KCND2: variants seen among roughly 807,000 people sequenced by gnomAD.
The protein encoded by KCND2 is potassium voltage-gated channel subfamily D member 2.
A neutral mutation model predicts 54.4 loss-of-function variants in KCND2; 16 were observed. The observed-to-expected ratio is 0.29, with a 90% CI of 0.20 to 0.45. The LOEUF is 0.45. Among genes scored for constraint, KCND2 ranks in the 20% least tolerant of loss-of-function variants. The probability of loss-of-function intolerance (pLI) is 1.00; values close to 1 mark genes in which losing one functional copy is unlikely to be tolerated. For synonymous variants in KCND2, 317 were observed against 310.7 expected (o/e 1.02, Z -0.21); for missense variants, 486 against 824.2 (o/e 0.59, Z 5.02).
chr7:120,445,511 C>T (rs369934408), intron 1 of KCND2, among the ~76,000 whole-genome samples: 5 of 152,040 alleles, frequency 3.3e-5, no homozygotes, highest in African/African-American at 1.2e-4. Flanking sequence ...GGACCTGTTT[C>T]CTTATTGAGT....
intron 1 of KCND2, among the ~76,000 whole-genome samples, chr7:120,303,764 A>C (rs1433509070): frequency 6.6e-6 from 1 of 152,192 alleles, no homozygotes; most frequent in Non-Finnish European, 1.5e-5. Flanking sequence ...GAATGTGTAT[A>C]CATATCTTTC....
chr7:120,603,164 A>C (rs1792835638), intron 1 of KCND2, among the ~76,000 whole-genome samples: 1 of 152,206 alleles, frequency 6.6e-6, no homozygotes, highest in Non-Finnish European at 1.5e-5. Flanking sequence ...TCATCTTTTC[A>C]TTTATAAAAT....
intron 1 of KCND2, among the ~76,000 whole-genome samples, chr7:120,460,224 A>G (rs1423739690): frequency 2.0e-5 from 3 of 152,172 alleles, no homozygotes; most frequent in Non-Finnish European, 4.4e-5. Context: ...TATAGACCAG[A>G]CACTCTTTAG....
intron 1 of KCND2, among the ~76,000 whole-genome samples, chr7:120,538,451 C>G: frequency 6.6e-6 from 1 of 152,112 alleles, no homozygotes; most frequent in East Asian, 1.9e-4. Context: ...GCACCTATAC[C>G]ACAGGCCACT....
chr7:120,404,805 C>T (rs1365020555), intron 1 of KCND2, among the ~76,000 whole-genome samples: 3 of 151,938 alleles, frequency 2.0e-5, no homozygotes, highest in Non-Finnish European at 4.4e-5. Context: ...TGTAGCTCCT[C>T]CTCCTTCCTT....
intron 1 of KCND2, among the ~76,000 whole-genome samples, chr7:120,629,117 G>A (rs6979618): frequency 0.42 from 63,780 of 152,082 alleles, 16,561 homozygotes; most frequent in African/African-American, 0.73. Flanking sequence ...GCACAAAACT[G>A]TGGGATGAAT....
chr7:120,416,120 A>G (rs1801520713), intron 1 of KCND2, among the ~76,000 whole-genome samples: 1 of 152,166 alleles, frequency 6.6e-6, no homozygotes, highest in South Asian at 2.1e-4. Context: ...TGTTCTCTGT[A>G]ACCTGCCCAT....
rs6949544 is a variant in KCND2, at chr7:120,420,749, T to C, written c.1115+145002T>C. 8.5e-3 allele frequency among the ~76,000 whole-genome samples: 1,297 copies of C among 152,110 alleles called. 14 individuals carry two copies. Among genetic ancestry groups the C allele is most frequent in the African/African-American group, 0.03 (1,228 of 41,480 alleles). The stretch of plus-strand genomic sequence containing the variant: ...GGAGTATAGGTAAGAGGGAAAAAAA[T>C]TAATTCAAACTTTTTAAGAAATTAT... On this transcript the variant is annotated intron_variant, in intron 1 of 5. Coordinates refer to ENST00000331113, the MANE Select transcript of KCND2 (RefSeq NM_012281.3).
In KCND2 at chr7:120,274,954, C is replaced by T. The variant is rs763189187; in HGVS notation, c.322C>T (p.Arg108Cys). ...FYRTGKLHYP[R>C]HECISAYDEE... ...CCGCACTGGGAAGCTCCACTATCCTCGCCACGAGTGCATCTCTGCTTACGA... is the reference window on the plus strand; with the variant it reads ...CCGCACTGGGAAGCTCCACTATCCTTGCCACGAGTGCATCTCTGCTTACGA... Residue 108 changes from arginine (R) to cysteine (C), a missense_variant, in exon 1 of 6, where the codon CGC (arginine) becomes TGC (cysteine). By Grantham distance (180) the Arg-to-Cys change is radical. Transcript: ENST00000331113. The T allele has an allele frequency of 3.7e-6, 6 of 1,614,144 alleles. No homozygotes were observed. Among genetic ancestry groups the T allele is most frequent in the Non-Finnish European group, 5.1e-6 (6 of 1,180,038 alleles).
rs565223089 is a variant in KCND2, at chr7:120,377,299, T to C, written c.1115+101552T>C. ...CTCAAGTATTTATCTTAGAATATTA[T>C]AGTTGGTTCCTTCATTTACTGTGTG... is the stretch of plus-strand genomic sequence containing the variant. On this transcript the variant is annotated intron_variant, in intron 1 of 5. Coordinates refer to ENST00000331113, the MANE Select transcript of KCND2 (RefSeq NM_012281.3). 3.0e-4 allele frequency among the ~76,000 whole-genome samples: 46 copies of C among 152,074 alleles called. 1 individual carries two copies. The highest frequency in any genetic ancestry group is 1.1e-3 in the African/African-American group (45 of 41,554).
chr7:120,567,112 C>T (rs1330420625), intron 1 of KCND2, among the ~76,000 whole-genome samples: 1 of 152,116 alleles, frequency 6.6e-6, no homozygotes, highest in South Asian at 2.1e-4. Flanking sequence ...TCCCCATGTT[C>T]CTGCTCCTGT....
chr7:120,599,995 A>G (rs1792794586), intron 1 of KCND2, among the ~76,000 whole-genome samples: 1 of 151,754 alleles, frequency 6.6e-6, no homozygotes, highest in African/African-American at 2.4e-5. Context: ...GAGAGTTTTT[A>G]TCATGAAAGA....
At chr7:120,402,059 G>T (rs899504688) in intron 1 of KCND2, among the ~76,000 whole-genome samples, 2 of 152,132 alleles carry the variant, frequency 1.3e-5, no homozygotes, top group Non-Finnish European at 2.9e-5. Flanking sequence ...TGACAAAATG[G>T]TGAATTGCTT....
In KCND2 at chr7:120,737,070, AC is replaced by A. The variant is rs1562924298; in HGVS notation, c.1278+4006del. Among the ~76,000 whole-genome samples the A allele has an allele frequency of 3.0e-3, 432 of 143,056 alleles. 4 individuals carry two copies. The highest frequency in any genetic ancestry group is 0.011 in the African/African-American group (405 of 38,430). 93.9% of individuals were successfully genotyped at this position (143,056 alleles called of 152,430 possible). ...CACACACACACACACACACACACAC[AC>A]ACACAAACAAAAAAAAAAAAAACAA... On this transcript the variant is annotated intron_variant, in intron 2 of 5. Coordinates refer to ENST00000331113, the MANE Select transcript of KCND2 (RefSeq NM_012281.3).
intron 1 of KCND2, among the ~76,000 whole-genome samples, chr7:120,601,530 TG>T (rs1311359886): frequency 6.6e-6 from 1 of 152,214 alleles, no homozygotes; most frequent in African/African-American, 2.4e-5. Flanking sequence ...TGTAGGTCAA[TG>T]GTTGTAAAAA....
At chr7:120,277,671 A>G (rs1035035404) in intron 1 of KCND2, among the ~76,000 whole-genome samples, 2 of 152,034 alleles carry the variant, frequency 1.3e-5, no homozygotes, top group Non-Finnish European at 2.9e-5. Flanking sequence ...AGAAGTTAGC[A>G]TTATTTTAAA....
chr7:120,304,608 C>T (rs1468846918), intron 1 of KCND2, among the ~76,000 whole-genome samples: 1 of 152,144 alleles, frequency 6.6e-6, no homozygotes, highest in Non-Finnish European at 1.5e-5. Flanking sequence ...ATTCTGATGC[C>T]AGTTAAGGTT....
intron 1 of KCND2, among the ~76,000 whole-genome samples, chr7:120,364,231 T>C (rs1356562141): frequency 6.6e-6 from 1 of 152,176 alleles, no homozygotes; most frequent in Non-Finnish European, 1.5e-5. Flanking sequence ...TGTACTTTGT[T>C]TTAGGGCCAA....
At chr7:120,634,663 GA>G (rs1793281912) in intron 1 of KCND2, among the ~76,000 whole-genome samples, 2 of 152,046 alleles carry the variant, frequency 1.3e-5, no homozygotes, top group South Asian at 4.2e-4. Context: ...GTTTTTTCTT[GA>G]CCATCTCCTT....
Sources: gnomAD v4.1 joint callset for allele counts (sites outside exome capture counted in the v4.1 genomes callset) on GRCh38, gnomAD v4.1.1 for gene constraint, MANE v1.5 for transcripts, NCBI Gene and HGNC (gene_info 2026-07-23, HGNC 2026-07-21) for gene names.